DPYSL3: variants seen among roughly 807,000 people sequenced by gnomAD.
The protein encoded by DPYSL3 is dihydropyrimidinase like 3.
DPYSL3 carries 16 observed loss-of-function variants against 66.1 expected under a neutral mutation model. The observed-to-expected ratio is 0.24, with a 90% CI of 0.16 to 0.37. The LOEUF (loss-of-function observed/expected upper bound fraction) is 0.37. Ranked by LOEUF, DPYSL3 falls within the 10% of genes least tolerant of loss-of-function variation. DPYSL3 has a pLI of 1.00. For synonymous variants in DPYSL3, 338 were observed against 345.1 expected (o/e 0.98, Z 0.23); for missense variants, 738 against 916.2 (o/e 0.81, Z 2.51).
chr5:147,466,661 T>C (rs1478466146), intron 1 of DPYSL3, among the ~76,000 whole-genome samples: 2 of 152,196 alleles, frequency 1.3e-5, no homozygotes, highest in African/African-American at 4.8e-5. Context: ...AACTCACTCC[T>C]GGATGGGGAC....
intron 7 of DPYSL3, among the ~76,000 whole-genome samples, chr5:147,406,969 C>A (rs1758339885): frequency 6.6e-6 from 1 of 152,146 alleles, no homozygotes. Flanking sequence ...ACCTTGGAGG[C>A]CCCTGGTCAT....
intron 6 of DPYSL3, among the ~76,000 whole-genome samples, chr5:147,411,169 C>A (rs936681877): frequency 4.6e-5 from 7 of 152,164 alleles, no homozygotes; most frequent in Non-Finnish European, 7.3e-5. Context: ...GGGACCAAGG[C>A]ATTTGGGCTC....
chr5:147,452,733 C>G (rs1283144609), intron 1 of DPYSL3, among the ~76,000 whole-genome samples: 2 of 152,150 alleles, frequency 1.3e-5, no homozygotes, highest in Non-Finnish European at 1.5e-5. Context: ...ACCCGCCAGT[C>G]GCGGTGTCTC....
At chr5:147,428,627 T>C (rs1489895554) in intron 1 of DPYSL3, among the ~76,000 whole-genome samples, 1 of 152,102 alleles carries the variant, frequency 6.6e-6, no homozygotes, top group African/African-American at 2.4e-5. Context: ...GCCAACAAAA[T>C]GAACAAACCC....
intron 2 of DPYSL3, among the ~76,000 whole-genome samples, chr5:147,423,304 T>C (rs1752120953): frequency 6.6e-6 from 1 of 152,002 alleles, no homozygotes; most frequent in South Asian, 2.1e-4. Flanking sequence ...ACAAATATTT[T>C]TGGTTCTTGG....
chr5:147,486,512 T>C (rs1456265815), intron 1 of DPYSL3, among the ~76,000 whole-genome samples: 2 of 152,204 alleles, frequency 1.3e-5, no homozygotes, highest in East Asian at 3.8e-4. Flanking sequence ...TGCCTTATGA[T>C]GGAGAAATCT....
chr5:147,481,443 G>A (rs1008884788), intron 1 of DPYSL3, among the ~76,000 whole-genome samples: 1 of 152,148 alleles, frequency 6.6e-6, no homozygotes, highest in Admixed American at 6.5e-5. Flanking sequence ...GAGGTTCCTG[G>A]GTCAGAGACA....
chr5:147,451,145 G>A (rs536985043), intron 1 of DPYSL3, among the ~76,000 whole-genome samples: 2 of 152,194 alleles, frequency 1.3e-5, no homozygotes, highest in South Asian at 4.2e-4. Context: ...ATGCAAAAAC[G>A]AAGCATGAGA....
At chr5:147,459,850 C>A (rs923459703) in intron 1 of DPYSL3, among the ~76,000 whole-genome samples, 1 of 152,172 alleles carries the variant, frequency 6.6e-6, no homozygotes, top group Non-Finnish European at 1.5e-5. Context: ...GTGGCTCACG[C>A]CTGTAATGCC....
rs144197110 is a variant in DPYSL3 at position 147,423,876 on chromosome 5, A to T, written c.470+999T>A. 8.5e-5 allele frequency among the ~76,000 whole-genome samples: 13 copies of T among 152,148 alleles called. No homozygotes were observed. In the East Asian group the frequency reaches 2.5e-3, roughly 29 times the overall value. Reference sequence around the variant, plus strand: ...GCTGGGACTGCAGGCATACACCAGCACACCCGGGTAATTTTTGTATTAGTA... The same window carrying T: ...GCTGGGACTGCAGGCATACACCAGCTCACCCGGGTAATTTTTGTATTAGTA... On this transcript the variant is annotated intron_variant, in intron 2 of 13. Coordinates refer to ENST00000343218, the MANE Select transcript of DPYSL3 (RefSeq NM_001197294.2).
chr5:147,482,012 G>A (rs1002577102), intron 1 of DPYSL3, among the ~76,000 whole-genome samples: 3 of 152,180 alleles, frequency 2.0e-5, no homozygotes, highest in African/African-American at 7.2e-5. Flanking sequence ...TTTACAGTAA[G>A]AGGAAGCAAA....
intron 1 of DPYSL3, among the ~76,000 whole-genome samples, chr5:147,444,749 A>C (rs1449200711): frequency 6.6e-6 from 1 of 151,668 alleles, no homozygotes; most frequent in African/African-American, 2.4e-5. Flanking sequence ...AAAAACGAGT[A>C]ATAAGAATAG....
Position 147,412,680 on chromosome 5 carries a change from C to T in DPYSL3, c.891G>A (p.Glu297=). 6.2e-7 allele frequency: 1 copy of T among 1,610,974 alleles called. No homozygotes were observed. The highest frequency in any genetic ancestry group is 2.2e-5 in the East Asian group (1 of 44,822). ...LYQVSNTELY[E]IFTCLGELGA... ...CCAGCTCTCCCAGGCAGGTGAAGAT[C>T]TCATAGAGCTGAAATAGAAATGAGT... The change falls in exon 6 of 14, where the codon GAG becomes GAA. Residue 297 remains glutamate, a synonymous_variant. Transcript: ENST00000343218.
intron 8 of DPYSL3, among the ~76,000 whole-genome samples, chr5:147,402,278 T>C (rs947257026): frequency 6.6e-6 from 1 of 152,074 alleles, no homozygotes; most frequent in Non-Finnish European, 1.5e-5. Flanking sequence ...ATGCTCCCAT[T>C]ATAATGATAT....
At position 147,413,588 on chromosome 5, in the gene DPYSL3, G is replaced by T. The variant is rs1751898930; in HGVS notation, c.882+8C>A. On this transcript the variant is annotated splice_region_variant and intron_variant, in intron 5 of 13. Coordinates refer to ENST00000343218, the MANE Select transcript of DPYSL3 (RefSeq NM_001197294.2). ...ATACCCCAAACCACATAGCAAATGG[G>T]TTGTTACCTCTGTGTTAGATACTTG... The T allele has an allele frequency of 1.2e-6, 2 of 1,609,834 alleles. No individual in the cohort carries two copies. Among genetic ancestry groups the T allele is most frequent in the Non-Finnish European group, 8.5e-7 (1 of 1,176,526 alleles).
At chr5:147,453,747 C>G in intron 1 of DPYSL3, 9 of 1,315,864 alleles carry the variant, frequency 6.8e-6, no homozygotes, top group Non-Finnish European at 8.7e-6. Flanking sequence ...CCCGGGCTCC[C>G]GCGGCGGCTG....
chr5:147,447,478 T>C (rs1484443328), intron 1 of DPYSL3, among the ~76,000 whole-genome samples: 1 of 152,180 alleles, frequency 6.6e-6, no homozygotes, highest in Non-Finnish European at 1.5e-5. Context: ...AGGTCTTTCT[T>C]ATTTGTTTCT....
intron 1 of DPYSL3, among the ~76,000 whole-genome samples, chr5:147,447,044 CA>C (rs1285635150): frequency 3.9e-5 from 6 of 152,150 alleles, no homozygotes; most frequent in Non-Finnish European, 4.4e-5. Flanking sequence ...TGACTTTAGC[CA>C]AATTACTTAG....
intron 1 of DPYSL3, among the ~76,000 whole-genome samples, chr5:147,489,648 T>C (rs1383787023): frequency 6.6e-6 from 1 of 152,072 alleles, no homozygotes; most frequent in East Asian, 1.9e-4. Flanking sequence ...TTCCAAGAGA[T>C]TATTGAGGGA....
Sources: gnomAD v4.1 joint callset for allele counts (sites outside exome capture counted in the v4.1 genomes callset) on GRCh38, gnomAD v4.1.1 for gene constraint, MANE v1.5 for transcripts, NCBI Gene and HGNC (gene_info 2026-07-23, HGNC 2026-07-21) for gene names.